Variants in ECPAS observed in about 807,000 individuals in gnomAD.
ECPAS encodes Ecm29 proteasome adaptor and scaffold, also known as proteasome adapter and scaffold protein ECM29.
A neutral mutation model predicts 255.1 loss-of-function variants in ECPAS; 70 were observed. The ratio of observed to expected loss-of-function variants is 0.27; its 90% confidence interval spans 0.23 to 0.33. The LOEUF is 0.33. Among genes scored for constraint, ECPAS ranks in the 10% least tolerant of loss-of-function variants. The pLI is 1.00. For synonymous variants in ECPAS, 784 were observed against 775.0 expected (o/e 1.01, Z -0.19); for missense variants, 1,817 against 2,206.4 (o/e 0.82, Z 3.54).
rs1196458793 is a variant in ECPAS, at chr9:111,373,157, AAAAG to A, written c.4336+9_4336+12del. On this transcript the variant is annotated intron_variant, in intron 41 of 49. Transcript: ENST00000684092. ...TAAATTTAAAATGACATAAAATAGA[AAAAG>A]AAAGGTACCTTCTTTCTCCATATAC... 6.2e-7 allele frequency: 1 copy of A among 1,608,098 alleles called. No homozygotes were observed. Among genetic ancestry groups the A allele is most frequent in the Non-Finnish European group, 8.5e-7 (1 of 1,174,612 alleles).
Position 111,383,328 on chromosome 9 carries a change from C to T in ECPAS, c.3686G>A (p.Cys1229Tyr), listed in dbSNP as rs1430600381. Residue 1229 changes from cysteine (C) to tyrosine (Y), a missense_variant, in exon 35 of 50, where the codon TGT becomes TAT. By Grantham distance (194) the Cys-to-Tyr change is radical. Around this residue, in one of 4 missense-constraint regions of ECPAS, gnomAD observed 960 missense variants for 1,179.0 expected, o/e 0.81. Coordinates refer to ENST00000684092, the MANE Select transcript of ECPAS (RefSeq NM_001364929.1). ...ELALKTLSKV[C>Y]VKMCDPAKGA... is the part of the protein sequence containing the mutation. Reference sequence around the variant, plus strand: ...TTTGGCAGGGTCACACATTTTCACACAGACCTCACATACAAAGAGCATGGA... The same window carrying T: ...TTTGGCAGGGTCACACATTTTCACATAGACCTCACATACAAAGAGCATGGA... 2 of 1,610,104 alleles carry T rather than the reference C, an allele frequency of 1.2e-6. No homozygotes were observed. Among genetic ancestry groups the T allele is most frequent in the Admixed American group, 3.4e-5 (2 of 59,416 alleles).
intron 41 of ECPAS, 139 bp downstream of exon 41, chr9:111,373,031 C>CA (rs1366290136): frequency 8.0e-4 from 615 of 773,316 alleles, no homozygotes; most frequent in Middle Eastern, 1.4e-3. Flanking sequence ...GACACCATCT[C>CA]AAAAAAAAAG....
intron 3 of ECPAS, among the ~76,000 whole-genome samples, chr9:111,446,247 T>C (rs1364738490): frequency 6.6e-6 from 1 of 152,196 alleles, no homozygotes; most frequent in African/African-American, 2.4e-5. Flanking sequence ...AGTCAACAGT[T>C]TGCATGGATA....
chr9:111,479,412 A>G (rs550229224), intron 1 of ECPAS, among the ~76,000 whole-genome samples: 1 of 151,836 alleles, frequency 6.6e-6, no homozygotes, highest in African/African-American at 2.4e-5. Context: ...CCTGGCCAAC[A>G]CGGTGAAATC....
intron 17 of ECPAS, among the ~76,000 whole-genome samples, chr9:111,416,887 G>A (rs2098204483): frequency 6.6e-6 from 1 of 152,134 alleles, no homozygotes; most frequent in African/African-American, 2.4e-5. Context: ...CAATATCCTG[G>A]ATCTACTAGC....
intron 32 of ECPAS, 115 bp downstream of exon 32, chr9:111,386,262 C>T: frequency 1.3e-6 from 1 of 741,764 alleles, no homozygotes; most frequent in East Asian, 2.7e-5. Flanking sequence ...CCACGCCCGG[C>T]CAGCTTTTTA....
chr9:111,369,364 G>A (rs1215433727), intron 45 of ECPAS, among the ~76,000 whole-genome samples, 191 bp from the exon 46 acceptor site: 1 of 152,018 alleles, frequency 6.6e-6, no homozygotes, highest in African/African-American at 2.4e-5. Context: ...AATAAATTTA[G>A]GCAATACTTT....
chr9:111,377,376 T>C (rs1410987263), intron 36 of ECPAS, among the ~76,000 whole-genome samples: 1 of 151,960 alleles, frequency 6.6e-6, no homozygotes, highest in Non-Finnish European at 1.5e-5. Flanking sequence ...AAACGACTAA[T>C]ACAATATTGA....
intron 24 of ECPAS, among the ~76,000 whole-genome samples, chr9:111,408,303 C>T (rs369492921): frequency 5.9e-5 from 9 of 152,150 alleles, no homozygotes; most frequent in African/African-American, 9.7e-5. Flanking sequence ...ATCTGGCTGA[C>T]GGGCTATGTG....
At chr9:111,385,315 T>G in intron 33 of ECPAS, 22 bp downstream of exon 33, 1 of 1,098,166 alleles carries the variant, frequency 9.1e-7, no homozygotes, top group Non-Finnish European at 1.3e-6. Flanking sequence ...TATATATAAA[T>G]GCTGATTTAT....
chr9:111,445,316 G>A (rs2098251472), intron 3 of ECPAS, among the ~76,000 whole-genome samples: 1 of 151,906 alleles, frequency 6.6e-6, no homozygotes, highest in Admixed American at 6.6e-5. Flanking sequence ...TTTTTACAAT[G>A]TCCTTTAGTT....
At chr9:111,482,074 T>TA (rs2098306381) in intron 1 of ECPAS, among the ~76,000 whole-genome samples, 2 of 152,296 alleles carry the variant, frequency 1.3e-5, no homozygotes, top group South Asian at 2.1e-4. Context: ...ACTGTACACT[T>TA]AAAAAATGGC....
At chr9:111,459,182 T>C (rs566302570) in intron 2 of ECPAS, among the ~76,000 whole-genome samples, 1 of 152,308 alleles carries the variant, frequency 6.6e-6, no homozygotes, top group South Asian at 2.1e-4. Context: ...TCTCTCAGAA[T>C]ACATTATTCC....
Position 111,426,080 on chromosome 9 carries a change from G to A in ECPAS, c.1051-252C>T, listed in dbSNP as rs796923649. On this transcript the variant is annotated intron_variant, in intron 10 of 49. Coordinates refer to ENST00000684092, the MANE Select transcript of ECPAS (RefSeq NM_001364929.1). ...TGTGGGTCTACCACAGTGAGGAAAC[G>A]AAGAGTACACACTGCAGTGGGTCAC... Among the ~76,000 whole-genome samples, 20 of 152,294 alleles carry A rather than the reference G, an allele frequency of 1.3e-4. 1 individual carries two copies. Among genetic ancestry groups the A allele is most frequent in the African/African-American group, 4.8e-4 (20 of 41,562 alleles).
chr9:111,460,332 T>C (rs1157896084), intron 2 of ECPAS, among the ~76,000 whole-genome samples: 1 of 152,154 alleles, frequency 6.6e-6, no homozygotes, highest in Non-Finnish European at 1.5e-5. Flanking sequence ...AAAGAGAACT[T>C]CCTTAATCTG....
At chr9:111,481,684 T>C (rs1424514701) in intron 1 of ECPAS, among the ~76,000 whole-genome samples, 1 of 152,140 alleles carries the variant, frequency 6.6e-6, no homozygotes, top group Non-Finnish European at 1.5e-5. Context: ...ATAGCTAAAA[T>C]GTGGAAGCAA....
intron 6 of ECPAS, 102 bp downstream of exon 6, chr9:111,440,270 G>A: frequency 1.0e-6 from 1 of 984,534 alleles, no homozygotes; most frequent in Non-Finnish European, 1.4e-6. Context: ...TGGATGTTGA[G>A]ATGCATTCAT....
At chr9:111,460,032 TGA>T (rs2098271364) in intron 2 of ECPAS, among the ~76,000 whole-genome samples, 1 of 151,970 alleles carries the variant, frequency 6.6e-6, no homozygotes. Flanking sequence ...TAGACGCAAA[TGA>T]GATAATAAAA....
intron 7 of ECPAS, among the ~76,000 whole-genome samples, 184 bp downstream of exon 7, chr9:111,436,756 C>T (rs1200658376): frequency 6.6e-6 from 1 of 152,192 alleles, no homozygotes; most frequent in Admixed American, 6.5e-5. Flanking sequence ...TGTCCCACTC[C>T]TCCCTGCCCC....
Sources: allele counts gnomAD v4.1 joint callset (sites outside exome capture counted in the v4.1 genomes callset), GRCh38; gene constraint gnomAD v4.1.1; regional missense constraint gnomAD v4.1.1; transcripts MANE v1.5; gene names NCBI Gene and HGNC (gene_info 2026-07-23, HGNC 2026-07-21).